Variants in TMEM185A observed in about 807,000 individuals in gnomAD.
TMEM185A encodes the protein family with sequence similarity 11, member A.
A neutral mutation model predicts 25.0 loss-of-function variants in TMEM185A; 9 were observed. That is an observed-to-expected ratio of 0.36 (90% CI 0.22 to 0.63). The LOEUF (loss-of-function observed/expected upper bound fraction) is 0.63. Ranked by LOEUF, TMEM185A falls within the 20% of genes least tolerant of loss-of-function variation. The pLI is 0.68. For missense variants in TMEM185A, 103 were observed against 237.4 expected, an observed-to-expected ratio of 0.43 and a Z score of 3.72; for synonymous variants, 45 against 93.5, an observed-to-expected ratio of 0.48 and a Z score of 2.99.
At chrX:149,607,005 C>T (rs782604988) in intron 3 of TMEM185A, among the ~76,000 whole-genome samples, 16 of 111,198 alleles carry the variant, frequency 1.4e-4, no homozygotes, top group Non-Finnish European at 2.6e-4. Context: ...ATCAGATACT[C>T]TCCCTCCACG....
chrX:149,625,621 T>C (rs1412549578), intron 1 of TMEM185A, among the ~76,000 whole-genome samples: 1 of 112,187 alleles, frequency 8.9e-6, no homozygotes, highest in Non-Finnish European at 1.9e-5. Context: ...ATTTTGGAAA[T>C]GGCAAACAGT....
chrX:149,624,731 A>C (rs949611340), intron 1 of TMEM185A, among the ~76,000 whole-genome samples: 2 of 112,088 alleles, frequency 1.8e-5, no homozygotes, highest in African/African-American at 3.3e-5. Flanking sequence ...AGCTGGTTTT[A>C]TTAAGATAAA....
At chrX:149,600,776 T>TCTTC (rs2090014855) in intron 4 of TMEM185A, 1 of 15,006 alleles carries the variant, frequency 6.7e-5, no homozygotes, top group Admixed American at 1.1e-3. Flanking sequence ...CAGCCTCTAC[T>TCTTC]CTTCCAGAGG....
intron 1 of TMEM185A, among the ~76,000 whole-genome samples, chrX:149,620,645 G>A (rs2090135271): frequency 9.0e-6 from 1 of 111,401 alleles, no homozygotes; most frequent in Non-Finnish European, 1.9e-5. Flanking sequence ...GTCGACCAAG[G>A]CAAAGAATGT....
chrX:149,631,715 C>G lies in TMEM185A; in HGVS notation c.-135G>C, dbSNP rs868939496. The G allele has an allele frequency of 1.5e-4, 97 of 632,110 alleles. No individual in the cohort carries two copies. In the African/African-American group the frequency reaches 2.0e-3, roughly 13 times the overall value. 52.1% of individuals were successfully genotyped at this position (632,110 alleles called of 1,213,427 possible). The stretch of plus-strand genomic sequence containing the variant: ...CTGCTCCCGCTACTGCTGCCGTCCC[C>G]GCTGCCGTCGCCGTCGCCGTCGCCG... On this transcript the variant is annotated 5_prime_UTR_variant, in exon 1 of 7. Transcript: ENST00000600449.
intron 1 of TMEM185A, among the ~76,000 whole-genome samples, chrX:149,616,790 T>A (rs28688232): frequency 2.7e-5 from 3 of 112,456 alleles, no homozygotes; most frequent in African/African-American, 9.7e-5. Context: ...ATACTGACTT[T>A]AAAAGTCATA....
chrX:149,603,903 G>A (rs974772129), intron 4 of TMEM185A, 84 bp downstream of exon 4: 81 of 830,351 alleles, frequency 9.8e-5, no homozygotes, highest in African/African-American at 8.1e-4. Flanking sequence ...CTGCTTGTCC[G>A]TCTTTTCCAA....
At chrX:149,628,198 G>A (rs191998206) in intron 1 of TMEM185A, among the ~76,000 whole-genome samples, 11 of 111,691 alleles carry the variant, frequency 9.8e-5, no homozygotes, top group Non-Finnish European at 2.1e-4. Flanking sequence ...GTGCCACATG[G>A]CTACCAGGGT....
At chrX:149,620,190 A>G (rs963920185) in intron 1 of TMEM185A, among the ~76,000 whole-genome samples, 1 of 112,133 alleles carries the variant, frequency 8.9e-6, no homozygotes, top group African/African-American at 3.2e-5. Context: ...ATGCACACGT[A>G]TGTTTATTGT....
At chrX:149,630,932 G>T (rs150768561) in intron 1 of TMEM185A, among the ~76,000 whole-genome samples, 3 of 111,771 alleles carry the variant, frequency 2.7e-5, no homozygotes, top group African/African-American at 9.8e-5. Context: ...AACTTGTAGT[G>T]AAGACTGATG....
intron 1 of TMEM185A, among the ~76,000 whole-genome samples, chrX:149,622,172 G>C (rs2124232460): frequency 8.9e-6 from 1 of 112,401 alleles, no homozygotes; most frequent in Admixed American, 9.4e-5. Context: ...ATGAAGACAA[G>C]AGCAACAATT....
At chrX:149,617,777 A>G (rs2090117961) in intron 1 of TMEM185A, among the ~76,000 whole-genome samples, 2 of 112,247 alleles carry the variant, frequency 1.8e-5, no homozygotes, top group Non-Finnish European at 3.8e-5. Context: ...CAACTCACAC[A>G]TCCATAAACT....
chrX:149,619,913 T>G (rs1474875903), intron 1 of TMEM185A, among the ~76,000 whole-genome samples: 1 of 111,936 alleles, frequency 8.9e-6, no homozygotes, highest in African/African-American at 3.3e-5. Context: ...TGTTGGACAT[T>G]TGGGTTGGTT....
intron 1 of TMEM185A, among the ~76,000 whole-genome samples, chrX:149,631,092 A>C (rs782060560): frequency 1.8e-5 from 2 of 110,856 alleles, no homozygotes; most frequent in South Asian, 3.9e-4. Flanking sequence ...CATAAACCCA[A>C]GGAAAACCCC....
intron 2 of TMEM185A, 48 bp from the exon 3 acceptor site, chrX:149,608,882 C>T (rs781850773): frequency 9.1e-7 from 1 of 1,104,604 alleles, no homozygotes; most frequent in Non-Finnish European, 1.2e-6. Context: ...AGAATCTCCA[C>T]TATAAGCAAG....
intron 2 of TMEM185A, 148 bp from the exon 3 acceptor site, chrX:149,608,982 C>G: frequency 1.9e-6 from 1 of 513,280 alleles, no homozygotes; most frequent in Non-Finnish European, 3.2e-6. Context: ...AGAAAGCTAA[C>G]TTAAACCTAA....
intron 1 of TMEM185A, among the ~76,000 whole-genome samples, chrX:149,627,064 A>C (rs955531476): frequency 9.0e-6 from 1 of 110,715 alleles, no homozygotes; most frequent in Non-Finnish European, 1.9e-5. Flanking sequence ...CTCTTTCACT[A>C]CTCCTCCTCA....
At chrX:149,616,952 G>A (rs945069214) in intron 1 of TMEM185A, among the ~76,000 whole-genome samples, 12 of 112,369 alleles carry the variant, frequency 1.1e-4, no homozygotes, top group Non-Finnish European at 1.9e-5. Flanking sequence ...GAACGTACTA[G>A]AGAGTTGGAA....
chrX:149,624,581 A>G (rs1285470756), intron 1 of TMEM185A, among the ~76,000 whole-genome samples: 1 of 111,489 alleles, frequency 9.0e-6, no homozygotes, highest in Non-Finnish European at 1.9e-5. Flanking sequence ...ATACACACAC[A>G]CAAACTTTGG....
Sources: allele counts gnomAD v4.1 joint callset (sites outside exome capture counted in the v4.1 genomes callset), GRCh38; gene constraint gnomAD v4.1.1; transcripts MANE v1.5; gene names NCBI Gene and HGNC (gene_info 2026-07-23, HGNC 2026-07-21).